PCDH11X: variants seen among roughly 807,000 people sequenced by gnomAD.
The protein encoded by PCDH11X is protocadherin 11 X-linked.
PCDH11X carries 18 observed loss-of-function variants against 53.3 expected under a neutral mutation model. The ratio of observed to expected loss-of-function variants is 0.34; its 90% CI spans 0.23 to 0.50. PCDH11X has a LOEUF of 0.50. Among genes scored for constraint, PCDH11X ranks in the 20% least tolerant of loss-of-function variants. The pLI is 0.98. For synonymous variants in PCDH11X, 279 were observed against 393.3 expected (o/e 0.71, Z 3.44); for missense variants, 570 against 1,032.4 (o/e 0.55, Z 6.14).
chrX:92,188,505 G>A (rs1426269054), intron 6 of PCDH11X, among the ~76,000 whole-genome samples: 1 of 111,403 alleles, frequency 9.0e-6, no homozygotes, highest in African/African-American at 3.3e-5. Flanking sequence ...AATGAAGGGA[G>A]TTCTGGGGCA....
chrX:92,448,694 C>T (rs779040749), intron 9 of PCDH11X, among the ~76,000 whole-genome samples: 12 of 106,362 alleles, frequency 1.1e-4, no homozygotes, highest in Admixed American at 3.1e-4. Context: ...TGAGCATATA[C>T]GCCACCAAGA....
intron 5 of PCDH11X, among the ~76,000 whole-genome samples, chrX:91,856,464 T>G (rs1035125392): frequency 4.5e-5 from 5 of 109,992 alleles, no homozygotes; most frequent in African/African-American, 1.7e-4. Context: ...TCTCTTTTTA[T>G]TATCATTTTT....
At chrX:91,858,025 G>T (rs1419689692) in intron 5 of PCDH11X, among the ~76,000 whole-genome samples, 2 of 110,862 alleles carry the variant, frequency 1.8e-5, no homozygotes, top group African/African-American at 6.6e-5. Context: ...TGCCCCTGTA[G>T]CACACTTCTG....
chrX:92,475,794 C>A (rs970634513), intron 10 of PCDH11X, among the ~76,000 whole-genome samples: 1 of 111,644 alleles, frequency 9.0e-6, no homozygotes, highest in Non-Finnish European at 1.9e-5. Flanking sequence ...TTCTCTACCT[C>A]CTCTTTAAGG....
At chrX:91,930,238 T>TAA (rs1316000042) in intron 6 of PCDH11X, among the ~76,000 whole-genome samples, 11 of 108,278 alleles carry the variant, frequency 1.0e-4, no homozygotes, top group Non-Finnish European at 1.7e-4. Context: ...TAGTAATAGG[T>TAA]AGAAATCTAT....
chrX:92,127,667 C>T (rs1319062402), intron 6 of PCDH11X, among the ~76,000 whole-genome samples: 3 of 109,152 alleles, frequency 2.7e-5, no homozygotes, highest in Non-Finnish European at 3.8e-5. Flanking sequence ...ACTACAGGTG[C>T]GTGCCACCAA....
chrX:92,454,216 TTA>T (rs1222923020), intron 9 of PCDH11X, among the ~76,000 whole-genome samples: 1 of 105,139 alleles, frequency 9.5e-6, no homozygotes, highest in African/African-American at 3.4e-5. Flanking sequence ...ATATACATAT[TTA>T]TATATAATCA....
At chrX:92,165,607 C>T (rs1204015883) in intron 6 of PCDH11X, among the ~76,000 whole-genome samples, 5 of 111,674 alleles carry the variant, frequency 4.5e-5, no homozygotes, top group Non-Finnish European at 9.4e-5. Context: ...ATATACAACC[C>T]TACATTACTT....
intron 8 of PCDH11X, among the ~76,000 whole-genome samples, chrX:92,354,365 G>A (rs1413845340): frequency 1.9e-5 from 2 of 105,292 alleles, no homozygotes; most frequent in African/African-American, 6.9e-5. Flanking sequence ...TGAAGATGCA[G>A]TATCTTATAT....
At chrX:92,098,617 C>T (rs1386714898) in intron 6 of PCDH11X, among the ~76,000 whole-genome samples, 6 of 102,651 alleles carry the variant, frequency 5.8e-5, no homozygotes, top group Admixed American at 2.2e-4. Flanking sequence ...TGTGCTTGTC[C>T]AGTGAAGCTC....
intron 8 of PCDH11X, among the ~76,000 whole-genome samples, chrX:92,343,247 G>T (rs1057368620): frequency 8.9e-6 from 1 of 111,814 alleles, no homozygotes; most frequent in African/African-American, 3.2e-5. Flanking sequence ...GCCTTGTTTA[G>T]TGTTAGGTAG....
chrX:92,167,369 T>C (rs1369274033), intron 6 of PCDH11X, among the ~76,000 whole-genome samples: 2 of 111,864 alleles, frequency 1.8e-5, no homozygotes, highest in Admixed American at 9.6e-5. Context: ...TACTCTTGTT[T>C]CAATTGAAAA....
Position 92,619,541 on chromosome X carries a change from T to C in PCDH11X, c.*601T>C, listed in dbSNP as rs1309923864. ...TGTCATGTTTTCTACCTTATTCCAATACTATATTGTTGATAAAATTTGTAT... is the reference window on the plus strand; with the variant it reads ...TGTCATGTTTTCTACCTTATTCCAACACTATATTGTTGATAAAATTTGTAT... On this transcript the variant is annotated 3_prime_UTR_variant, in exon 11 of 11. Transcript: ENST00000682573. 2 of 108,173 alleles carry C rather than the reference T, an allele frequency of 1.8e-5. No homozygotes were observed. Among genetic ancestry groups the C allele is most frequent in the African/African-American group, 7.3e-5 (2 of 27,490 alleles). 8.9% of individuals were successfully genotyped at this position (108,173 alleles called of 1,213,427 possible).
In PCDH11X at chrX:91,867,020, T is replaced by A. The variant is rs183718840; in HGVS notation, c.541-9761T>A. Among the ~76,000 whole-genome samples the A allele has an allele frequency of 2.7e-5, 3 of 112,011 alleles. No individual in the cohort carries two copies. The Admixed American group carries it at 2.8e-4, about 11-fold the overall frequency. ...AAAGAATTGGTTAGTTGGATATTAA[T>A]GGAAATTTTAGTTATTCGAATGACT... is the stretch of plus-strand genomic sequence containing the variant. On this transcript the variant is annotated intron_variant, in intron 5 of 10. Transcript: ENST00000682573.
intron 6 of PCDH11X, among the ~76,000 whole-genome samples, chrX:91,985,500 G>A (rs187385273): frequency 3.6e-5 from 4 of 112,149 alleles, no homozygotes; most frequent in East Asian, 5.6e-4. Context: ...GTGAGACTCC[G>A]TCTCAAAATA....
intron 7 of PCDH11X, among the ~76,000 whole-genome samples, chrX:92,254,850 C>T (rs1369847713): frequency 9.2e-6 from 1 of 108,836 alleles, no homozygotes; most frequent in East Asian, 3.0e-4. Flanking sequence ...GTAACCTGAC[C>T]TTTCTCTCTG....
At chrX:92,066,648 G>C (rs1245175019) in intron 6 of PCDH11X, among the ~76,000 whole-genome samples, 1 of 111,159 alleles carries the variant, frequency 9.0e-6, no homozygotes, top group Admixed American at 9.6e-5. Context: ...TTCACTGTTC[G>C]CATATAGAAA....
chrX:92,185,340 G>T (rs1472733152), intron 6 of PCDH11X, among the ~76,000 whole-genome samples: 1 of 111,094 alleles, frequency 9.0e-6, no homozygotes, highest in Non-Finnish European at 1.9e-5. Context: ...CTCATATCTC[G>T]CCATATCCAA....
intron 5 of PCDH11X, among the ~76,000 whole-genome samples, chrX:91,851,719 G>T (rs1467921583): frequency 8.9e-6 from 1 of 111,767 alleles, no homozygotes; most frequent in Non-Finnish European, 1.9e-5. Flanking sequence ...TAGTCAGGTG[G>T]TCTGATCGTT....
Sources: gnomAD v4.1 joint callset for allele counts (sites outside exome capture counted in the v4.1 genomes callset) on GRCh38, gnomAD v4.1.1 for gene constraint, MANE v1.5 for transcripts, NCBI Gene and HGNC (gene_info 2026-07-23, HGNC 2026-07-21) for gene names.